MAPK1IP1L: variants seen among roughly 807,000 people sequenced by gnomAD.
MAPK1IP1L encodes the protein MAPK-interacting and spindle-stabilizing protein-like.
A neutral mutation model predicts 18.1 loss-of-function variants in MAPK1IP1L; 10 were observed. That is an observed-to-expected ratio of 0.55 (90% CI 0.34 to 0.94). MAPK1IP1L has a LOEUF of 0.94. Among genes scored for constraint, MAPK1IP1L ranks in the 40% least tolerant of loss-of-function variants. MAPK1IP1L has a pLI of 0.02. For missense variants in MAPK1IP1L, 260 were observed against 318.2 expected (o/e 0.82, Z 1.39); for synonymous variants, 115 against 117.3 (o/e 0.98, Z 0.13).
At chr14:55,051,897 C>T in intron 1 of MAPK1IP1L, 94 bp downstream of exon 1, 1 of 416,596 alleles carries the variant, frequency 2.4e-6, no homozygotes, top group South Asian at 1.7e-5. Flanking sequence ...GAAGCGGGCG[C>T]GGTGACCGAG....
chr14:55,062,990 G>C lies in MAPK1IP1L; in HGVS notation c.391G>C (p.Gly131Arg). The change falls in exon 3 of 4, where the codon GGT becomes CGT. Residue 131 changes from glycine (G) to arginine (R), a missense_variant. Physicochemically the swap from Gly to Arg is moderately radical, Grantham distance 125. Transcript: ENST00000395468. Reference sequence around the variant, plus strand: ...CTTTCCAGAGCTACCCAGACCATATGGTGCACCCACAGATCCAGCTGCAGC... The same window carrying C: ...CTTTCCAGAGCTACCCAGACCATATCGTGCACCCACAGATCCAGCTGCAGC... Reference protein sequence around the residue: ...MPFPELPRPYGAPTDPAAAGP... With the variant: ...MPFPELPRPYRAPTDPAAAGP... 6.2e-7 allele frequency: 1 copy of C among 1,613,696 alleles called. No individual in the cohort carries two copies. The highest frequency in any genetic ancestry group is 1.3e-5 in the African/African-American group (1 of 75,012).
chr14:55,058,984 C>G (rs2042792768), intron 1 of MAPK1IP1L, among the ~76,000 whole-genome samples: 1 of 151,640 alleles, frequency 6.6e-6, no homozygotes, highest in Non-Finnish European at 1.5e-5. Context: ...AAATACTACA[C>G]CATTTTATAT....
intron 1 of MAPK1IP1L, among the ~76,000 whole-genome samples, chr14:55,060,154 A>ATTTTTTTTTTTTT (rs71131248): frequency 1.1e-4 from 7 of 63,936 alleles, no homozygotes; most frequent in Non-Finnish European, 1.6e-4. Context: ...TTTTGGAGAA[A>ATTTTTTTTTTTTT]TTTTTTTTTT....
At chr14:55,053,763 G>T (rs1198816630) in intron 1 of MAPK1IP1L, among the ~76,000 whole-genome samples, 1 of 152,020 alleles carries the variant, frequency 6.6e-6, no homozygotes, top group East Asian at 1.9e-4. Context: ...TCTACTCCCG[G>T]CTCTTTCCTT....
chr14:55,064,808 A>C lies in MAPK1IP1L; in HGVS notation c.*181A>C, dbSNP rs45513892. ...GATGCGTAGTACATCATATGTATAC[A>C]ATCAGATAAAAGCATAGAAGTAAAT... On this transcript the variant is annotated 3_prime_UTR_variant, in exon 4 of 4. Transcript: ENST00000395468. 16,566 of 504,510 alleles carry C rather than the reference A, an allele frequency of 0.033. 359 individuals are homozygous for C. Among genetic ancestry groups the C allele is most frequent in the South Asian group, 0.061 (1,533 of 24,972 alleles). 31.3% of individuals were successfully genotyped at this position (504,510 alleles called of 1,614,324 possible). A position where few individuals can be genotyped will look rare whatever the true frequency, so the allele number is the denominator to read the frequency against.
chr14:55,062,736 C>T lies in MAPK1IP1L; in HGVS notation c.137C>T (p.Pro46Leu). 6.2e-7 allele frequency: 1 copy of T among 1,614,184 alleles called. No individual in the cohort carries two copies. Among genetic ancestry groups the T allele is most frequent in the Non-Finnish European group, 8.5e-7 (1 of 1,180,030 alleles). ...GSNPWNNPSA[P>L]SSVPSGLPPS... Reference sequence around the variant, plus strand: ...AACCCTTGGAATAATCCGAGTGCTCCATCTTCAGTGCCATCTGGACTCCCA... The same window carrying T: ...AACCCTTGGAATAATCCGAGTGCTCTATCTTCAGTGCCATCTGGACTCCCA... The change falls in exon 3 of 4, where the codon CCA becomes CTA. Residue 46 changes from proline to leucine, a missense_variant. Coordinates refer to ENST00000395468, the MANE Select transcript of MAPK1IP1L (RefSeq NM_144578.4).
chr14:55,052,109 C>T (rs1001069852), intron 1 of MAPK1IP1L, among the ~76,000 whole-genome samples: 19 of 151,362 alleles, frequency 1.3e-4, no homozygotes, highest in Non-Finnish European at 5.9e-5. Flanking sequence ...GGGGCGGGCG[C>T]GGGCCGGCCC....
rs1434074051 is a variant in MAPK1IP1L at position 55,063,023 on chromosome 14, T to A, written c.424T>A (p.Leu142Ile). The A allele has an allele frequency of 3.1e-6, 5 of 1,614,010 alleles. No homozygotes were observed. Among genetic ancestry groups the A allele is most frequent in the Non-Finnish European group, 3.4e-6 (4 of 1,179,910 alleles). Residue 142 changes from leucine to isoleucine, a missense_variant, in exon 3 of 4, where the codon TTA (leucine) becomes ATA (isoleucine). By Grantham distance (5) the Leu-to-Ile change is conservative. Coordinates refer to ENST00000395468, the MANE Select transcript of MAPK1IP1L (RefSeq NM_144578.4). ...APTDPAAAGP[L>I]GPWGSMSSGP... is the part of the protein sequence containing the mutation. ...CACAGATCCAGCTGCAGCTGGTCCT[T>A]TAGGTCCATGGGGATCCATGTCTTC...
rs1555376502 is a variant in MAPK1IP1L at position 55,067,819 on chromosome 14, GATT to G, written c.*3195_*3197del. The G allele has an allele frequency of 6.6e-6, 1 of 152,224 alleles. No homozygotes were observed. The highest frequency in any genetic ancestry group is 1.5e-5 in the Non-Finnish European group (1 of 68,042). 9.4% of individuals were successfully genotyped at this position (152,224 alleles called of 1,614,324 possible). On this transcript the variant is annotated 3_prime_UTR_variant, in exon 4 of 4. Transcript: ENST00000395468. ...TATATTTGGTCTTGAGGGGGATACA[GATT>G]ATAGAATATGCTGACATTTGGGCTT...
intron 2 of MAPK1IP1L, 54 bp from the exon 3 acceptor site, chr14:55,062,564 T>C: frequency 7.2e-7 from 1 of 1,396,780 alleles, no homozygotes; most frequent in Admixed American, 2.1e-5. Flanking sequence ...TTTATAATGG[T>C]GTTCGATGTA....
intron 1 of MAPK1IP1L, among the ~76,000 whole-genome samples, chr14:55,059,225 GAAAAAAA>G (rs3078612): frequency 3.2e-5 from 2 of 63,280 alleles, no homozygotes; most frequent in Admixed American, 2.0e-4. Context: ...AGGAAAATCT[GAAAAAAA>G]AAAAAAAAAA....
chr14:55,064,155 G>A (rs909315942), intron 3 of MAPK1IP1L, among the ~76,000 whole-genome samples: 1 of 151,298 alleles, frequency 6.6e-6, no homozygotes, highest in Non-Finnish European at 1.5e-5. Flanking sequence ...CCACCACACC[G>A]GCTCATTTTT....
chr14:55,064,355 A>G (rs950509200), intron 3 of MAPK1IP1L, among the ~76,000 whole-genome samples: 4 of 152,166 alleles, frequency 2.6e-5, no homozygotes, highest in African/African-American at 7.2e-5. Context: ...CTCTGATTAG[A>G]TTAGTCAAAC....
chr14:55,065,879 T>C lies in MAPK1IP1L; in HGVS notation c.*1252T>C, dbSNP rs2042858370. On this transcript the variant is annotated 3_prime_UTR_variant, in exon 4 of 4. Coordinates refer to ENST00000395468, the MANE Select transcript of MAPK1IP1L (RefSeq NM_144578.4). ...TGCCATCTTTGAAAAAATTACCCTC[T>C]AGCTCTAACACTGAAAATAATAATA... The C allele has an allele frequency of 6.6e-6, 1 of 152,240 alleles. No individual in the cohort carries two copies. Among genetic ancestry groups the C allele is most frequent in the East Asian group, 1.9e-4 (1 of 5,186 alleles). 9.4% of individuals were successfully genotyped at this position (152,240 alleles called of 1,614,324 possible). A position where few individuals can be genotyped will look rare whatever the true frequency, so the allele number is the denominator to read the frequency against.
intron 1 of MAPK1IP1L, among the ~76,000 whole-genome samples, chr14:55,054,475 T>TC (rs1427528035): frequency 6.6e-6 from 1 of 152,150 alleles, no homozygotes; most frequent in Admixed American, 6.5e-5. Context: ...ATACATATCA[T>TC]CCCCCCATAC....
At chr14:55,063,902 A>G (rs1382446943) in intron 3 of MAPK1IP1L, 1 of 152,238 alleles carries the variant, frequency 6.6e-6, no homozygotes, top group Non-Finnish European at 1.5e-5. Flanking sequence ...CCTTGGTCAT[A>G]TAACCAAATG....
In MAPK1IP1L at chr14:55,066,443, A is replaced by G. The variant is rs992296582; in HGVS notation, c.*1816A>G. 6.6e-6 allele frequency: 1 copy of G among 152,226 alleles called. No individual in the cohort carries two copies. The highest frequency in any genetic ancestry group is 6.5e-5 in the Admixed American group (1 of 15,274). 9.4% of individuals were successfully genotyped at this position (152,226 alleles called of 1,614,324 possible). On this transcript the variant is annotated 3_prime_UTR_variant, in exon 4 of 4. Transcript: ENST00000395468. ...CAAGGACAGGTGTTAGCTGTCTACA[A>G]TACTGTTGAACTCTGTTGTCAAAGT...
At chr14:55,059,903 A>G (rs921431872) in intron 1 of MAPK1IP1L, among the ~76,000 whole-genome samples, 5 of 152,230 alleles carry the variant, frequency 3.3e-5, no homozygotes, top group African/African-American at 7.2e-5. Flanking sequence ...AGCTTGTCCA[A>G]TTAGCTGAGA....
At chr14:55,055,049 T>C (rs2042760592) in intron 1 of MAPK1IP1L, among the ~76,000 whole-genome samples, 1 of 152,194 alleles carries the variant, frequency 6.6e-6, no homozygotes, top group Non-Finnish European at 1.5e-5. Context: ...TGAGTATAAA[T>C]TGTTTTTATG....
Sources: allele counts gnomAD v4.1 joint callset (sites outside exome capture counted in the v4.1 genomes callset), GRCh38; gene constraint gnomAD v4.1.1; transcripts MANE v1.5; gene names NCBI Gene and HGNC (gene_info 2026-07-23, HGNC 2026-07-21).